DAB1: variants seen among roughly 807,000 people sequenced by gnomAD.
DAB1 encodes the protein disabled homolog 1.
A neutral mutation model predicts 64.6 loss-of-function variants in DAB1; 15 were observed. The observed-to-expected ratio is 0.23, with a 90% CI of 0.16 to 0.36. The LOEUF is 0.36. Among genes scored for constraint, DAB1 ranks in the 10% least tolerant of loss-of-function variants. The pLI, the probability that DAB1 is intolerant of heterozygous loss-of-function variation, is 1.00. For synonymous variants in DAB1, 235 were observed against 251.9 expected (o/e 0.93, Z 0.64); for missense variants, 596 against 706.7 (o/e 0.84, Z 1.78).
chr1:58,137,402 A>C (rs140275458), intron 5 of DAB1, among the ~76,000 whole-genome samples: 52 of 152,296 alleles, frequency 3.4e-4, no homozygotes, highest in African/African-American at 1.2e-3. Context: ...TGAATCAAAG[A>C]GAATGAGTAT....
chr1:57,507,714 C>A (rs946062910), intron 7 of DAB1, among the ~76,000 whole-genome samples: 1 of 152,178 alleles, frequency 6.6e-6, no homozygotes, highest in Non-Finnish European at 1.5e-5. Context: ...CAGTTCCTTT[C>A]GTAAATGGGC....
chr1:58,439,699 G>T (rs1644986367), intron 3 of DAB1, among the ~76,000 whole-genome samples: 1 of 152,138 alleles, frequency 6.6e-6, no homozygotes, highest in African/African-American at 2.4e-5. Flanking sequence ...AATTTGTCCA[G>T]GACCACACAG....
At chr1:57,473,304 C>A (rs1300893345) in intron 7 of DAB1, among the ~76,000 whole-genome samples, 1 of 152,194 alleles carries the variant, frequency 6.6e-6, no homozygotes, top group African/African-American at 2.4e-5. Flanking sequence ...GGACACCCAC[C>A]TTCCAGTTGC....
rs575112010 is a variant in DAB1 at position 57,015,346 on chromosome 1, T to A, written c.981A>T (p.Pro327=). 6.2e-7 allele frequency: 1 copy of A among 1,614,040 alleles called. No individual in the cohort carries two copies. Among genetic ancestry groups the A allele is most frequent in the South Asian group, 1.1e-5 (1 of 91,076 alleles). The part of the protein sequence containing the change: ...VQQQMVMGAQ[P]PVAQVMPGAQ... ...CCCCCGGCATCACCTGAGCGACTGG[T>A]GGCTGGGCACCCATGACCATCTGCT... The change falls in exon 12 of 15, where the codon CCA becomes CCT. Residue 327 remains proline, a synonymous_variant. Transcript: ENST00000371236.
At chr1:57,755,173 T>C (rs975842410) in intron 6 of DAB1, among the ~76,000 whole-genome samples, 9 of 152,142 alleles carry the variant, frequency 5.9e-5, no homozygotes, top group African/African-American at 2.2e-4. Flanking sequence ...TCTTGGCCGT[T>C]TCCTGTTGCA....
chr1:57,746,921 A>G (rs776924652), intron 6 of DAB1, among the ~76,000 whole-genome samples: 4 of 151,666 alleles, frequency 2.6e-5, no homozygotes, highest in Non-Finnish European at 5.9e-5. Flanking sequence ...TATTCTAGAT[A>G]TTTGCCCTGT....
chr1:57,411,719 C>T (rs1186235601), intron 1 of DAB1, among the ~76,000 whole-genome samples: 1 of 152,198 alleles, frequency 6.6e-6, no homozygotes, highest in Non-Finnish European at 1.5e-5. Flanking sequence ...TCCCCACTGG[C>T]CCATTGGGAC....
chr1:58,058,904 AAAAT>A (rs1271372564), intron 5 of DAB1, among the ~76,000 whole-genome samples: 1 of 152,202 alleles, frequency 6.6e-6, no homozygotes, highest in African/African-American at 2.4e-5. Context: ...AACACAACAC[AAAAT>A]AAAAGGAAGG....
intron 5 of DAB1, among the ~76,000 whole-genome samples, chr1:58,122,192 A>G (rs1312935076): frequency 6.6e-6 from 1 of 152,232 alleles, no homozygotes; most frequent in Admixed American, 6.5e-5. Flanking sequence ...AGAATATCTT[A>G]GTATCTTAAG....
intron 6 of DAB1, among the ~76,000 whole-genome samples, chr1:57,781,118 CTCTCTCTCTATATATATA>C (rs1392983280): frequency 1.1e-4 from 6 of 54,558 alleles, no homozygotes; most frequent in East Asian, 1.2e-3. Flanking sequence ...CTCTCTCTCT[CTCTCTCTCTATATATATA>C]TATATATATA....
intron 7 of DAB1, among the ~76,000 whole-genome samples, chr1:57,643,754 A>T (rs750918857): frequency 5.3e-5 from 8 of 152,200 alleles, no homozygotes; most frequent in Admixed American, 3.9e-4. Flanking sequence ...CGAATTCTCA[A>T]GCTCAACACT....
chr1:57,143,927 T>C (rs1381828865), intron 3 of DAB1, among the ~76,000 whole-genome samples: 1 of 151,586 alleles, frequency 6.6e-6, no homozygotes, highest in African/African-American at 2.4e-5. Context: ...TGTATATGTA[T>C]ATATATATGT....
chr1:58,416,672 T>C (rs1315057895), intron 3 of DAB1, among the ~76,000 whole-genome samples: 2 of 152,132 alleles, frequency 1.3e-5, no homozygotes, highest in Non-Finnish European at 2.9e-5. Flanking sequence ...ATGAATCTAC[T>C]TTTTTTTCTG....
chr1:57,810,353 A>G (rs969580253), intron 6 of DAB1, among the ~76,000 whole-genome samples: 9 of 152,170 alleles, frequency 5.9e-5, no homozygotes, highest in Non-Finnish European at 1.3e-4. Flanking sequence ...AGACTTTTCT[A>G]TAGAGGGGAC....
intron 6 of DAB1, among the ~76,000 whole-genome samples, chr1:57,683,741 A>G (rs1243902995): frequency 1.3e-5 from 2 of 152,206 alleles, no homozygotes; most frequent in African/African-American, 4.8e-5. Context: ...CTTACCTCCA[A>G]ATGAGGCCAC....
At chr1:58,120,736 CGT>C in intron 5 of DAB1, among the ~76,000 whole-genome samples, 1 of 152,276 alleles carries the variant, frequency 6.6e-6, no homozygotes, top group South Asian at 2.1e-4. Flanking sequence ...AGAAGAACCA[CGT>C]GTCCCTTTTT....
chr1:58,398,150 T>G (rs552053622), intron 3 of DAB1, among the ~76,000 whole-genome samples: 2 of 152,308 alleles, frequency 1.3e-5, no homozygotes, highest in East Asian at 1.9e-4. Flanking sequence ...CATAAAAGCA[T>G]GCAGTGAGTC....
At chr1:57,820,281 A>AT (rs1652058353) in intron 6 of DAB1, among the ~76,000 whole-genome samples, 2 of 152,220 alleles carry the variant, frequency 1.3e-5, no homozygotes, top group Admixed American at 6.5e-5. Flanking sequence ...AAAACAATTA[A>AT]TGTCAAATAT....
Position 57,704,098 on chromosome 1 carries a change from T to C in DAB1, n.552-54433A>G, listed in dbSNP as rs1488127398. On this transcript the variant is annotated intron_variant and non_coding_transcript_variant, in intron 6 of 20. Transcript: ENST00000485760. ...AATAACTAATGGGTACTAGGCTTAA[T>C]ACCTGGGAGATAAAATAATCTGTAA... is the stretch of plus-strand genomic sequence containing the variant. Among the ~76,000 whole-genome samples, 10 of 152,220 alleles carry C rather than the reference T, an allele frequency of 6.6e-5. No individual in the cohort carries two copies. In the South Asian group the frequency reaches 1.7e-3, roughly 25 times the overall value.
Sources: allele counts gnomAD v4.1 joint callset (sites outside exome capture counted in the v4.1 genomes callset), GRCh38; gene constraint gnomAD v4.1.1; transcripts MANE v1.5; gene names NCBI Gene and HGNC (gene_info 2026-07-23, HGNC 2026-07-21).